The following OMA1 variants were observed in gnomAD, a reference collection of about 807,000 sequenced individuals.
OMA1 encodes metalloendopeptidase OMA1, mitochondrial.
A neutral mutation model predicts 30.9 loss-of-function variants in OMA1; 38 were observed. That is an observed-to-expected ratio of 1.23 (90% CI 0.95 to 1.61). The LOEUF (loss-of-function observed/expected upper bound fraction) is 1.61. Ranked by LOEUF, OMA1 falls within the 40% of genes most tolerant of loss-of-function variation. OMA1 has a pLI of 0.00. For synonymous variants in OMA1, 173 were observed against 121.9 expected (o/e 1.42, Z -2.76); for missense variants, 461 against 349.2 (o/e 1.32, Z -2.55).
chr1:58,525,903 AT>A (rs1646341774), intron 7 of OMA1, among the ~76,000 whole-genome samples: 1 of 152,144 alleles, frequency 6.6e-6, no homozygotes, highest in African/African-American at 2.4e-5. Context: ...GAGACCCCAG[AT>A]ATACTCCCAC....
At chr1:58,504,410 T>C (rs1645954291) in intron 8 of OMA1, among the ~76,000 whole-genome samples, 1 of 152,208 alleles carries the variant, frequency 6.6e-6, no homozygotes, top group African/African-American at 2.4e-5. Context: ...CTTGCTCCCG[T>C]GCTTCCTTCC....
chr1:58,499,477 T>TAGATAGATAGATAGATAGATAGATAG (rs1553122687), intron 8 of OMA1, among the ~76,000 whole-genome samples: 1 of 143,662 alleles, frequency 7.0e-6, no homozygotes, highest in Admixed American at 7.0e-5. Flanking sequence ...AAAGCCAGAC[T>TAGATAGATAGATAGATAGATAGATAG]ATAGATAGAT....
chr1:58,538,649 T>C, intron 2 of OMA1, 146 bp downstream of exon 2: 1 of 486,822 alleles, frequency 2.1e-6, no homozygotes, highest in Non-Finnish European at 3.6e-6. Context: ...TTGAGCTAAA[T>C]GGGGGGAGAC....
intron 1 of OMA1, among the ~76,000 whole-genome samples, chr1:58,540,804 A>T (rs988320497): frequency 4.7e-5 from 7 of 148,238 alleles, no homozygotes; most frequent in Non-Finnish European, 1.0e-4. Flanking sequence ...AGCGGGGAGG[A>T]GGTGTAGACA....
intron 7 of OMA1, among the ~76,000 whole-genome samples, chr1:58,513,414 T>TTAGTCAACTATTAGACTGAGTTAGCAA (rs1230041024): frequency 1.2e-4 from 18 of 152,298 alleles, no homozygotes; most frequent in African/African-American, 4.3e-4. Flanking sequence ...CAGCAACTAA[T>TTAGTCAACTATTAGACTGAGTTAGCAA]TCAGTCTAAC....
chr1:58,515,513 A>G (rs997966746), intron 7 of OMA1, among the ~76,000 whole-genome samples: 1 of 152,194 alleles, frequency 6.6e-6, no homozygotes, highest in Non-Finnish European at 1.5e-5. Context: ...ATAGCAATGA[A>G]AAATCAGATG....
intron 7 of OMA1, among the ~76,000 whole-genome samples, chr1:58,506,551 C>T (rs974971001): frequency 2.0e-5 from 3 of 152,242 alleles, no homozygotes; most frequent in Admixed American, 2.0e-4. Flanking sequence ...TAACAGAATG[C>T]CTGCCCTTCC....
At chr1:58,540,666 G>A (rs114895296) in intron 1 of OMA1, among the ~76,000 whole-genome samples, 321 of 149,220 alleles carry the variant, frequency 2.2e-3, no homozygotes, top group African/African-American at 7.6e-3. Context: ...CTTTGAAGAC[G>A]TATCAATAGA....
intron 7 of OMA1, among the ~76,000 whole-genome samples, chr1:58,507,302 C>T (rs546700076): frequency 6.6e-6 from 1 of 151,832 alleles, no homozygotes; most frequent in African/African-American, 2.4e-5. Flanking sequence ...ACTATACTGA[C>T]TAAAATGTAC....
At chr1:58,516,645 G>A (rs936019685) in intron 7 of OMA1, among the ~76,000 whole-genome samples, 12 of 152,304 alleles carry the variant, frequency 7.9e-5, no homozygotes, top group African/African-American at 2.9e-4. Flanking sequence ...CCTAGGGAAA[G>A]TGGGCTGCCT....
chr1:58,483,579 T>G (rs1258743062), intron 8 of OMA1, among the ~76,000 whole-genome samples: 1 of 152,244 alleles, frequency 6.6e-6, no homozygotes, highest in East Asian at 1.9e-4. Flanking sequence ...TAAGATTTCC[T>G]TATATCTAGT....
intron 8 of OMA1, among the ~76,000 whole-genome samples, chr1:58,502,127 A>G (rs547210637): frequency 6.6e-6 from 1 of 152,354 alleles, no homozygotes; most frequent in South Asian, 2.1e-4. Context: ...ACAGTAAGAA[A>G]CAATACATTT....
At chr1:58,523,613 G>C (rs548399182) in intron 7 of OMA1, among the ~76,000 whole-genome samples, 1 of 152,118 alleles carries the variant, frequency 6.6e-6, no homozygotes, top group Non-Finnish European at 1.5e-5. Context: ...AGAACTGGCA[G>C]TCCTGGCCGG....
chr1:58,539,002 G>A lies in OMA1; in HGVS notation c.293C>T (p.Thr98Ile). ...TCTTGAAAAAGCATCATTCCATACA[G>A]TACATTTGCTGGTAATCCTCCAAAT... ...KEIWRITSKCTVWNDAFSRQL... is the reference protein window; with the variant it reads ...KEIWRITSKCIVWNDAFSRQL... The change falls in exon 2 of 9, where the codon ACT becomes ATT. Residue 98 changes from threonine (T) to isoleucine (I), a missense_variant. Transcript: ENST00000371226. 1.1e-6 allele frequency: 1 copy of A among 872,848 alleles called. No individual in the cohort carries two copies. The allele number at this position is 872,848 out of a possible 1,614,324, so 54.1% of individuals were successfully genotyped here. A position where few individuals can be genotyped will look rare whatever the true frequency, so the allele number is the denominator to read the frequency against.
intron 6 of OMA1, among the ~76,000 whole-genome samples, chr1:58,529,933 T>G (rs1646408208): frequency 6.6e-6 from 1 of 152,032 alleles, no homozygotes; most frequent in Non-Finnish European, 1.5e-5. Flanking sequence ...CAGGCTGGAG[T>G]GCAGTGGCGC....
intron 5 of OMA1, among the ~76,000 whole-genome samples, chr1:58,531,563 TATGA>T (rs761132425): frequency 3.9e-5 from 6 of 152,200 alleles, no homozygotes; most frequent in Non-Finnish European, 5.9e-5. Flanking sequence ...TACTTGAATG[TATGA>T]AAAATGACTG....
intron 8 of OMA1, among the ~76,000 whole-genome samples, chr1:58,493,051 C>T (rs1207821255): frequency 5.9e-5 from 9 of 152,138 alleles, no homozygotes; most frequent in Non-Finnish European, 1.2e-4. Flanking sequence ...AGCAGCACAT[C>T]GAAAAGCTTA....
intron 1 of OMA1, among the ~76,000 whole-genome samples, chr1:58,545,850 T>G (rs729084): frequency 6.6e-6 from 1 of 152,122 alleles, no homozygotes; most frequent in Non-Finnish European, 1.5e-5. Context: ...AGTACACACA[T>G]GATGGAAGGC....
At chr1:58,500,822 T>G (rs1157003625) in intron 8 of OMA1, among the ~76,000 whole-genome samples, 1 of 152,204 alleles carries the variant, frequency 6.6e-6, no homozygotes, top group Non-Finnish European at 1.5e-5. Flanking sequence ...AAATTCAGTC[T>G]AAATGTTTTC....
Sources: gnomAD v4.1 joint callset for allele counts (sites outside exome capture counted in the v4.1 genomes callset) on GRCh38, gnomAD v4.1.1 for gene constraint, MANE v1.5 for transcripts, NCBI Gene and HGNC (gene_info 2026-07-23, HGNC 2026-07-21) for gene names.